TAF2: variants seen among roughly 807,000 people sequenced by gnomAD.
TAF2 encodes the protein TATA-box binding protein associated factor 2, also known as transcription initiation factor TFIID subunit 2.
Under a neutral mutation model 138.5 loss-of-function variants are expected in TAF2, and 61 were observed. The observed-to-expected ratio is 0.44, with a 90% CI of 0.36 to 0.54. The LOEUF (loss-of-function observed/expected upper bound fraction) is 0.54, where lower values mean the gene tolerates loss of function less well. Among genes scored for constraint, TAF2 ranks in the 20% least tolerant of loss-of-function variants. The pLI is 0.00. For missense variants in TAF2, 1,090 were observed against 1,427.9 expected, an observed-to-expected ratio of 0.76 and a Z score of 3.81; for synonymous variants, 475 against 469.9, an observed-to-expected ratio of 1.01 and a Z score of -0.14.
At position 119,789,494 on chromosome 8, in the gene TAF2, T is replaced by C. The variant is rs536119889; in HGVS notation, c.1568+98A>G. On this transcript the variant is annotated intron_variant, in intron 12 of 25. Coordinates refer to ENST00000378164, the MANE Select transcript of TAF2 (RefSeq NM_003184.4). Reference sequence around the variant, plus strand: ...TTTAGAAATATAAACAGTTCATACTTCCTTGAGTCCCCCTCAAACCTCTCT... The same window carrying C: ...TTTAGAAATATAAACAGTTCATACTCCCTTGAGTCCCCCTCAAACCTCTCT... The C allele has an allele frequency of 2.9e-6, 4 of 1,402,768 alleles. No homozygotes were observed. In the South Asian group the frequency reaches 3.5e-5, roughly 12 times the overall value. 86.9% of individuals were successfully genotyped at this position (1,402,768 alleles called of 1,614,324 possible).
intron 2 of TAF2, among the ~76,000 whole-genome samples, chr8:119,829,578 T>C (rs1167244452): frequency 3.3e-5 from 5 of 151,978 alleles, no homozygotes; most frequent in Non-Finnish European, 7.4e-5. Context: ...TACACATACA[T>C]ATATGTATAT....
rs950425114 is a variant in TAF2 at position 119,745,838 on chromosome 8, T to A, written c.3108+867A>T. ...GTGTGTGTGTGTGTGTGTGTGTGTG[T>A]GATATAAAATGTTTTAAAATGTAAC... On this transcript the variant is annotated intron_variant, in intron 23 of 25. Coordinates refer to ENST00000378164, the MANE Select transcript of TAF2 (RefSeq NM_003184.4). Among the ~76,000 whole-genome samples the A allele has an allele frequency of 3.1e-4, 44 of 140,768 alleles. No individual in the cohort carries two copies. The East Asian group carries it at 5.3e-3, about 17-fold the overall frequency. 92.3% of individuals were successfully genotyped at this position (140,768 alleles called of 152,430 possible). A position where few individuals can be genotyped will look rare whatever the true frequency, so the allele number is the denominator to read the frequency against.
chr8:119,805,760 A>G (rs943915446), intron 4 of TAF2, among the ~76,000 whole-genome samples: 2 of 151,996 alleles, frequency 1.3e-5, no homozygotes, highest in African/African-American at 4.8e-5. Context: ...GGTGAAATAA[A>G]TTGCTTTTTT....
chr8:119,801,201 C>T (rs1327218779), intron 6 of TAF2, among the ~76,000 whole-genome samples: 1 of 151,954 alleles, frequency 6.6e-6, no homozygotes, highest in Non-Finnish European at 1.5e-5. Flanking sequence ...TAGTAATGAA[C>T]AAAATTAGTT....
intron 18 of TAF2, 145 bp from the exon 19 acceptor site, chr8:119,762,753 A>T (rs530442502): frequency 3.1e-6 from 2 of 652,928 alleles, no homozygotes; most frequent in African/African-American, 3.6e-5. Context: ...ATTCAACTCC[A>T]CCCTTTGCAT....
chr8:119,805,877 C>T (rs1033294715), intron 4 of TAF2, among the ~76,000 whole-genome samples: 8 of 151,150 alleles, frequency 5.3e-5, no homozygotes, highest in African/African-American at 1.2e-4. Context: ...ATTTTGACAT[C>T]GTTAATGTTC....
chr8:119,758,954 G>A (rs1433528993), intron 20 of TAF2, among the ~76,000 whole-genome samples: 1 of 152,062 alleles, frequency 6.6e-6, no homozygotes, highest in African/African-American at 2.4e-5. Context: ...TTAAAGTTTA[G>A]CATTCTTTTG....
intron 23 of TAF2, among the ~76,000 whole-genome samples, chr8:119,745,795 ATGTGTGTGTGTGTGTG>A (rs58444614): frequency 1.7e-3 from 245 of 143,560 alleles, no homozygotes; most frequent in African/African-American, 4.7e-3. Context: ...AGGCAAACGA[ATGTGTGTGTGTGTGTG>A]TGTGTGTGTG....
At chr8:119,744,581 A>G in intron 23 of TAF2, 188 bp from the exon 24 acceptor site, 1 of 609,836 alleles carries the variant, frequency 1.6e-6, no homozygotes, top group Non-Finnish European at 2.9e-6. Flanking sequence ...AGCCTCTAAA[A>G]GAAGCCAATT....
At chr8:119,786,476 C>G (rs1417407456) in intron 14 of TAF2, among the ~76,000 whole-genome samples, 1 of 152,020 alleles carries the variant, frequency 6.6e-6, no homozygotes, top group Admixed American at 6.6e-5. Context: ...CCTCTACCTT[C>G]AAACAAAATG....
intron 22 of TAF2, among the ~76,000 whole-genome samples, chr8:119,751,963 T>C (rs774986045): frequency 9.2e-5 from 14 of 152,122 alleles, no homozygotes; most frequent in Non-Finnish European, 1.8e-4. Flanking sequence ...TTAATGATCA[T>C]ATTGTCGATA....
chr8:119,752,952 C>A (rs1453445424), intron 22 of TAF2, among the ~76,000 whole-genome samples: 1 of 152,150 alleles, frequency 6.6e-6, no homozygotes, highest in Admixed American at 6.5e-5. Flanking sequence ...AAATGAGGAG[C>A]AGGCAGGGTT....
At chr8:119,817,289 G>T (rs1825540428) in intron 3 of TAF2, among the ~76,000 whole-genome samples, 1 of 152,146 alleles carries the variant, frequency 6.6e-6, no homozygotes, top group Admixed American at 6.5e-5. Flanking sequence ...TGAGTAGCGG[G>T]TGAGCAAGCA....
chr8:119,812,721 GTGTGTGTGT>G (rs1825163856), intron 3 of TAF2, among the ~76,000 whole-genome samples: 1 of 49,022 alleles, frequency 2.0e-5, no homozygotes, highest in South Asian at 4.5e-4. Flanking sequence ...ATTCCATGGT[GTGTGTGTGT>G]GTGTGTGTGT....
chr8:119,828,035 G>A (rs1216915797), intron 2 of TAF2, among the ~76,000 whole-genome samples: 4 of 152,052 alleles, frequency 2.6e-5, no homozygotes, highest in East Asian at 1.9e-4. Context: ...GAGCCACTGC[G>A]CCTGGCCAAT....
intron 16 of TAF2, 78 bp downstream of exon 16, chr8:119,783,303 A>G: frequency 6.5e-7 from 1 of 1,528,932 alleles, no homozygotes; most frequent in South Asian, 1.2e-5. Context: ...TTTAAAGACT[A>G]GGTGAATTTT....
chr8:119,784,156 G>A (rs1007882421), intron 15 of TAF2, among the ~76,000 whole-genome samples: 11 of 151,998 alleles, frequency 7.2e-5, no homozygotes, highest in African/African-American at 2.2e-4. Context: ...AGTCTATGTC[G>A]ACACCTTCAT....
At chr8:119,753,907 C>G (rs1001682678) in intron 22 of TAF2, among the ~76,000 whole-genome samples, 3 of 152,030 alleles carry the variant, frequency 2.0e-5, no homozygotes, top group Admixed American at 2.0e-4. Context: ...TTGAATGAAC[C>G]TTTATAAGTT....
intron 16 of TAF2, 27 bp from the exon 17 acceptor site, chr8:119,781,220 T>C: frequency 6.2e-7 from 1 of 1,613,436 alleles, no homozygotes; most frequent in Non-Finnish European, 8.5e-7. Flanking sequence ...AACAAAGTAA[T>C]TTCCATTACC....
Sources: allele counts gnomAD v4.1 joint callset (sites outside exome capture counted in the v4.1 genomes callset), GRCh38; gene constraint gnomAD v4.1.1; transcripts MANE v1.5; gene names NCBI Gene and HGNC (gene_info 2026-07-23, HGNC 2026-07-21).